The following SLC38A8 variants were observed in gnomAD, a reference collection of about 807,000 sequenced individuals.
The protein encoded by SLC38A8 is solute carrier family 38 member 8.
Under a neutral mutation model 46.0 loss-of-function variants are expected in SLC38A8, and 65 were observed. The observed-to-expected ratio is 1.41, with a 90% CI of 1.16 to 1.74. The LOEUF (loss-of-function observed/expected upper bound fraction) is 1.74, where lower values mean the gene tolerates loss of function less well. SLC38A8 is among the 40% of genes most tolerant of loss of function. The probability of loss-of-function intolerance (pLI) is 0.00; values close to 1 mark genes in which losing one functional copy is unlikely to be tolerated. For synonymous variants in SLC38A8, 447 were observed against 243.7 expected, an observed-to-expected ratio of 1.83 and a Z score of -7.77; for missense variants, 998 against 567.9, an observed-to-expected ratio of 1.76 and a Z score of -7.70.
chr16:84,012,606 G>A (rs1341505398), intron 10 of SLC38A8, among the ~76,000 whole-genome samples: 3 of 152,218 alleles, frequency 2.0e-5, no homozygotes, highest in Non-Finnish European at 4.4e-5. Flanking sequence ...CCTGGGAACA[G>A]CGACCCACTG....
intron 10 of SLC38A8, among the ~76,000 whole-genome samples, chr16:84,012,168 A>C (rs1395469717): frequency 6.6e-6 from 1 of 152,166 alleles, no homozygotes. Context: ...AAACTAATAC[A>C]TCATCTCTTT....
intron 9 of SLC38A8, among the ~76,000 whole-genome samples, chr16:84,014,643 T>G (rs1374911613): frequency 1.3e-5 from 2 of 152,160 alleles, no homozygotes; most frequent in Non-Finnish European, 2.9e-5. Context: ...GCAGAGTGGG[T>G]GGCTGTTCTC....
upstream of SLC38A8, among the ~76,000 whole-genome samples, chr16:84,043,300 C>G (rs2085387286): frequency 6.6e-6 from 1 of 152,198 alleles, no homozygotes; most frequent in African/African-American, 2.4e-5. Context: ...GGAGACGGCC[C>G]CATTCCGGAA....
upstream of SLC38A8, among the ~76,000 whole-genome samples, chr16:84,043,176 G>C (rs73254351): frequency 0.015 from 2,322 of 152,310 alleles, 76 homozygotes; most frequent in African/African-American, 0.053. Flanking sequence ...AGTCACCTGA[G>C]ACGGGGCTTG....
Position 84,029,569 on chromosome 16 carries a change from C to T in SLC38A8, c.633-18G>A. On this transcript the variant is annotated intron_variant, in intron 5 of 10. Coordinates refer to ENST00000299709, the MANE Select transcript of SLC38A8 (RefSeq NM_001080442.3). The stretch of plus-strand genomic sequence containing the variant: ...AGGCAGGGCTGTAAACAGACAAGAA[C>T]AGGAGTTTATTAAAGAAGGGTCACA... The T allele has an allele frequency of 6.2e-7, 1 of 1,613,608 alleles. No individual in the cohort carries two copies. The highest frequency in any genetic ancestry group is 8.5e-7 in the Non-Finnish European group (1 of 1,179,732).
chr16:84,024,293 G>A (rs953557678), intron 6 of SLC38A8, among the ~76,000 whole-genome samples: 2 of 152,180 alleles, frequency 1.3e-5, no homozygotes, highest in Admixed American at 1.3e-4. Flanking sequence ...TCACATGGGT[G>A]CACACATACT....
intron 2 of SLC38A8, among the ~76,000 whole-genome samples, chr16:84,037,428 G>T (rs1355786520): frequency 6.6e-6 from 1 of 152,210 alleles, no homozygotes; most frequent in African/African-American, 2.4e-5. Context: ...GACTGAACAA[G>T]GTCTGTGACA....
chr16:84,030,644 G>A (rs1357204321), intron 5 of SLC38A8, among the ~76,000 whole-genome samples: 1 of 152,092 alleles, frequency 6.6e-6, no homozygotes. Flanking sequence ...CCTTCCCACT[G>A]TTCAAGCTGA....
At position 84,017,294 on chromosome 16, in the gene SLC38A8, G is replaced by A. The variant is rs774547497; in HGVS notation, c.806-7C>T. ...GTCAGGAAGCCATAAACCCCTGAAGGTGGGAAAGGATGGAAGCCACAGAGT... is the reference window on the plus strand; with the variant it reads ...GTCAGGAAGCCATAAACCCCTGAAGATGGGAAAGGATGGAAGCCACAGAGT... On this transcript the variant is annotated splice_polypyrimidine_tract_variant and splice_region_variant and intron_variant, in intron 7 of 10. Transcript: ENST00000299709. The A allele has an allele frequency of 6.2e-7, 1 of 1,613,886 alleles. No individual in the cohort carries two copies. The highest frequency in any genetic ancestry group is 8.5e-7 in the Non-Finnish European group (1 of 1,179,982).
intron 7 of SLC38A8, among the ~76,000 whole-genome samples, chr16:84,022,449 G>A (rs1308533120): frequency 6.6e-6 from 1 of 152,216 alleles, no homozygotes; most frequent in East Asian, 1.9e-4. Flanking sequence ...ACGGACAGCA[G>A]TCAATGTCCT....
At chr16:84,013,240 A>G (rs1482989834) in intron 9 of SLC38A8, among the ~76,000 whole-genome samples, 188 bp from the exon 10 acceptor site, 4 of 152,096 alleles carry the variant, frequency 2.6e-5, no homozygotes, top group Non-Finnish European at 5.9e-5. Context: ...CCAGCTCAAC[A>G]TGCCCTAATG....
intron 2 of SLC38A8, chr16:84,039,834 T>A (rs1188220980): frequency 6.8e-6 from 1 of 146,368 alleles, no homozygotes; most frequent in Admixed American, 6.9e-5. Flanking sequence ...GAGGACAGGG[T>A]CACAAGAGGG....
At chr16:84,013,438 T>TTGTTGTTG (rs2084981358) in intron 9 of SLC38A8, among the ~76,000 whole-genome samples, 1 of 131,204 alleles carries the variant, frequency 7.6e-6, no homozygotes, top group African/African-American at 3.4e-5. Context: ...TTTTTTTTTT[T>TTGTTGTTG]TTTTTTTTTT....
intron 2 of SLC38A8, among the ~76,000 whole-genome samples, chr16:84,041,570 C>T (rs1430637833): frequency 6.6e-6 from 1 of 152,234 alleles, no homozygotes. Flanking sequence ...ACCTTGGCCT[C>T]CCAAAGGGCT....
At chr16:84,019,229 C>T (rs182941820) in intron 7 of SLC38A8, among the ~76,000 whole-genome samples, 5 of 152,172 alleles carry the variant, frequency 3.3e-5, no homozygotes, top group Admixed American at 3.3e-4. Context: ...CACATGTCAC[C>T]ATGCTCGGCT....
chr16:84,032,898 G>A (rs911745406), intron 4 of SLC38A8, among the ~76,000 whole-genome samples: 2 of 151,478 alleles, frequency 1.3e-5, no homozygotes, highest in Non-Finnish European at 2.9e-5. Flanking sequence ...GGGTGCATGT[G>A]TGGGTGGGTG....
At chr16:84,032,329 C>T (rs914009792) in intron 4 of SLC38A8, among the ~76,000 whole-genome samples, 9 of 152,204 alleles carry the variant, frequency 5.9e-5, no homozygotes, top group African/African-American at 2.2e-4. Flanking sequence ...GCTGGGATTA[C>T]AGGTGTCCGC....
chr16:84,018,680 G>A (rs905481700), intron 7 of SLC38A8, among the ~76,000 whole-genome samples: 3 of 152,174 alleles, frequency 2.0e-5, no homozygotes, highest in Admixed American at 6.5e-5. Flanking sequence ...CACATCAGCA[G>A]GAGAAAAGCC....
In SLC38A8 at chr16:84,034,732, C is replaced by T. The variant is rs145148811; in HGVS notation, c.389-1263G>A. ...CACAGCAGCATCCACGTGGGAGAGC[C>T]GAGATGCCAAGGGACTGCACATGCC... is the stretch of plus-strand genomic sequence containing the variant. On this transcript the variant is annotated intron_variant, in intron 3 of 10. Transcript: ENST00000299709. Among the ~76,000 whole-genome samples the T allele has an allele frequency of 3.2e-4, 48 of 152,192 alleles. No homozygotes were observed. The East Asian group carries it at 8.5e-3, about 27-fold the overall frequency.
Sources: allele counts gnomAD v4.1 joint callset (sites outside exome capture counted in the v4.1 genomes callset), GRCh38; gene constraint gnomAD v4.1.1; transcripts MANE v1.5; gene names NCBI Gene and HGNC (gene_info 2026-07-23, HGNC 2026-07-21).